The following MAGI2 variants were observed in gnomAD, a reference collection of about 807,000 sequenced individuals.
MAGI2 encodes the protein membrane-associated guanylate kinase, WW and PDZ domain-containing protein 2.
A neutral mutation model predicts 133.3 loss-of-function variants in MAGI2; 35 were observed. The observed-to-expected ratio is 0.26, with a 90% confidence interval of 0.20 to 0.35. The LOEUF (loss-of-function observed/expected upper bound fraction) is 0.35, where lower values mean the gene tolerates loss of function less well. MAGI2 is among the 10% of genes least tolerant of loss of function. The probability of loss-of-function intolerance (pLI) is 1.00; values close to 1 mark genes in which losing one functional copy is unlikely to be tolerated. For synonymous variants in MAGI2, 729 were observed against 710.6 expected, an observed-to-expected ratio of 1.03 and a Z score of -0.41; for missense variants, 1,636 against 1,863.4, an observed-to-expected ratio of 0.88 and a Z score of 2.25.
At chr7:78,933,511 T>C (rs1227638159) in intron 2 of MAGI2, among the ~76,000 whole-genome samples, 4 of 152,078 alleles carry the variant, frequency 2.6e-5, no homozygotes, top group Non-Finnish European at 4.4e-5. Flanking sequence ...ATGAACAATA[T>C]GCAAAAAATT....
chr7:79,318,133 A>G (rs1291406918), intron 1 of MAGI2, among the ~76,000 whole-genome samples: 1 of 152,092 alleles, frequency 6.6e-6, no homozygotes, highest in Non-Finnish European at 1.5e-5. Context: ...TTCACCTATC[A>G]TCTATACACT....
intron 9 of MAGI2, among the ~76,000 whole-genome samples, chr7:78,322,866 C>G (rs1308702617): frequency 1.3e-5 from 2 of 151,956 alleles, no homozygotes; most frequent in Non-Finnish European, 2.9e-5. Context: ...TTTGGAGTTT[C>G]GACCCTAAGG....
chr7:79,423,012 G>C (rs1422616213), intron 1 of MAGI2, among the ~76,000 whole-genome samples: 2 of 151,924 alleles, frequency 1.3e-5, no homozygotes, highest in Non-Finnish European at 1.5e-5. Context: ...AAAAGAAAAA[G>C]AAATACAGGT....
chr7:78,709,251 G>T (rs1321379455), intron 2 of MAGI2, among the ~76,000 whole-genome samples: 1 of 150,908 alleles, frequency 6.6e-6, no homozygotes, highest in Admixed American at 6.6e-5. Context: ...AATACCCCAG[G>T]CCTCCCTGTC....
At chr7:78,504,611 A>G (rs62467119) in intron 4 of MAGI2, among the ~76,000 whole-genome samples, 8,535 of 152,246 alleles carry the variant, frequency 0.056, 285 homozygotes, top group Middle Eastern at 0.16. Flanking sequence ...ATTGTTTGGG[A>G]ACATAATGCC....
chr7:78,392,135 G>A (rs1795948748), intron 6 of MAGI2, among the ~76,000 whole-genome samples: 1 of 152,192 alleles, frequency 6.6e-6, no homozygotes, highest in Non-Finnish European at 1.5e-5. Flanking sequence ...TCTACTTGGA[G>A]ACGTAAAAGT....
In MAGI2 at chr7:79,447,620, T is replaced by C. The variant is rs1848952456; in HGVS notation, c.301+5400A>G. Among the ~76,000 whole-genome samples the C allele has an allele frequency of 2.6e-5, 4 of 152,082 alleles. No homozygotes were observed. In the South Asian group the frequency reaches 8.3e-4, roughly 32 times the overall value. ...TACACAGACTTACTTATATTGCATT[T>C]CTTTCATACAAAGTATGAAAATACT... is the stretch of plus-strand genomic sequence containing the variant. On this transcript the variant is annotated intron_variant, in intron 1 of 21. Coordinates refer to ENST00000354212, the MANE Select transcript of MAGI2 (RefSeq NM_012301.4).
At chr7:79,215,217 C>A (rs926157123) in intron 1 of MAGI2, among the ~76,000 whole-genome samples, 1 of 151,896 alleles carries the variant, frequency 6.6e-6, no homozygotes, top group East Asian at 1.9e-4. Context: ...AGACTCTTTG[C>A]AGCAATAAGA....
chr7:79,416,642 T>C (rs903226732), intron 1 of MAGI2, among the ~76,000 whole-genome samples: 2 of 151,866 alleles, frequency 1.3e-5, no homozygotes, highest in African/African-American at 4.8e-5. Context: ...ATAAAATAAA[T>C]TGGAAAAATA....
chr7:78,252,273 T>C (rs375659394), intron 10 of MAGI2: 5 of 151,866 alleles, frequency 3.3e-5, no homozygotes, highest in South Asian at 4.2e-4. Flanking sequence ...CAAGACTTAA[T>C]AGAAAGCTAA....
In MAGI2 at chr7:78,086,198, T is replaced by C. The variant is rs189046296; in HGVS notation, c.3568-7113A>G. Among the ~76,000 whole-genome samples, 14 of 151,738 alleles carry C rather than the reference T, an allele frequency of 9.2e-5. No individual in the cohort carries two copies. In the East Asian group the frequency reaches 2.7e-3, roughly 29 times the overall value. ...TTTTATTAGATAGCTTCTTTCTAAA[T>C]CTCCTTACTCTTCTAGGGCTCTTTT... On this transcript the variant is annotated intron_variant, in intron 20 of 21. Transcript: ENST00000354212.
At chr7:79,332,754 T>C (rs1840176686) in intron 1 of MAGI2, among the ~76,000 whole-genome samples, 1 of 152,202 alleles carries the variant, frequency 6.6e-6, no homozygotes, top group African/African-American at 2.4e-5. Context: ...GTAATTTCTA[T>C]ATCCCTTTGC....
intron 1 of MAGI2, among the ~76,000 whole-genome samples, chr7:79,167,056 T>G (rs970653164): frequency 1.1e-4 from 17 of 152,090 alleles, no homozygotes; most frequent in African/African-American, 3.6e-4. Flanking sequence ...TGTTGAAGTT[T>G]GAGAAGCTTT....
intron 3 of MAGI2, among the ~76,000 whole-genome samples, chr7:78,549,488 T>G (rs1002935964): frequency 2.0e-5 from 3 of 152,056 alleles, no homozygotes; most frequent in Non-Finnish European, 4.4e-5. Context: ...CCTACTGCCT[T>G]GAGCTCTCTT....
intron 1 of MAGI2, among the ~76,000 whole-genome samples, chr7:79,154,054 C>A (rs561510091): frequency 6.4e-4 from 97 of 151,982 alleles, no homozygotes; most frequent in Non-Finnish European, 1.2e-3. Context: ...TTTTTTGGAA[C>A]CTTTAACATT....
intron 1 of MAGI2, among the ~76,000 whole-genome samples, chr7:79,306,225 A>T: frequency 6.8e-6 from 1 of 146,106 alleles, no homozygotes; most frequent in East Asian, 2.0e-4. Flanking sequence ...GTGTATATAT[A>T]TTTTATTTAT....
intron 2 of MAGI2, chr7:78,940,662 C>T (rs1800894727): frequency 6.6e-6 from 1 of 152,130 alleles, no homozygotes; most frequent in South Asian, 2.1e-4. Flanking sequence ...TAACTCAGGA[C>T]AGCTCATTTA....
intron 2 of MAGI2, among the ~76,000 whole-genome samples, chr7:78,829,775 A>C (rs900019915): frequency 1.3e-5 from 2 of 152,112 alleles, no homozygotes; most frequent in Non-Finnish European, 2.9e-5. Context: ...ATATATATCC[A>C]AAAGTTCAAT....
Position 78,248,813 on chromosome 7 carries a change from A to G in MAGI2, c.2047+7130T>C, listed in dbSNP as rs117940577. ...ATACTTCATGATATTGGCTTGGACA[A>G]TGGTTTTTTGGATATGCCTCAAAAG... On this transcript the variant is annotated intron_variant, in intron 10 of 21. Transcript: ENST00000354212. Among the ~76,000 whole-genome samples, 1,066 of 152,244 alleles carry G rather than the reference A, an allele frequency of 7.0e-3. 26 individuals carry two copies. The highest frequency in any genetic ancestry group is 0.053 in the East Asian group (275 of 5,180).
Sources: allele counts gnomAD v4.1 joint callset (sites outside exome capture counted in the v4.1 genomes callset), GRCh38; gene constraint gnomAD v4.1.1; transcripts MANE v1.5; gene names NCBI Gene and HGNC (gene_info 2026-07-23, HGNC 2026-07-21).